MAML3: variants seen among roughly 807,000 people sequenced by gnomAD.
The protein encoded by MAML3 is mastermind-like protein 3.
In MAML3, 27 loss-of-function variants were observed where a neutral mutation model predicts 101.9. That is an observed-to-expected ratio of 0.27 (90% CI 0.20 to 0.37). The LOEUF is 0.37. Ranked by LOEUF, MAML3 falls within the 10% of genes least tolerant of loss-of-function variation. The pLI, the probability that MAML3 is intolerant of heterozygous loss-of-function variation, is 1.00. For missense variants in MAML3, 1,316 were observed against 1,444.9 expected (o/e 0.91, Z 1.45); for synonymous variants, 501 against 555.9 (o/e 0.90, Z 1.39).
chr4:139,995,053 GA>G (rs1436394936), intron 1 of MAML3, among the ~76,000 whole-genome samples: 3 of 152,084 alleles, frequency 2.0e-5, no homozygotes, highest in African/African-American at 7.2e-5. Flanking sequence ...TCGGGATGAG[GA>G]AATTTTCTGC....
intron 1 of MAML3, among the ~76,000 whole-genome samples, chr4:139,990,169 C>A (rs1037880115): frequency 1.3e-5 from 2 of 152,096 alleles, no homozygotes; most frequent in Non-Finnish European, 2.9e-5. Flanking sequence ...GAAATCTTTA[C>A]ATTTACTTGA....
At chr4:140,089,376 T>G (rs553078553) in intron 1 of MAML3, among the ~76,000 whole-genome samples, 1 of 152,336 alleles carries the variant, frequency 6.6e-6, no homozygotes, top group East Asian at 1.9e-4. Flanking sequence ...AATCCCAGCA[T>G]GATGTAACAG....
rs116289361 is a variant in MAML3 at position 140,008,879 on chromosome 4, C to T, written c.469-117912G>A. ...ATGTGGATCCATGTGTATTATTTCG[C>T]CACCACGAAAACTCTTTACCAATTA... On this transcript the variant is annotated intron_variant, in intron 1 of 4. Transcript: ENST00000509479. Among the ~76,000 whole-genome samples, 1,148 of 152,280 alleles carry T rather than the reference C, an allele frequency of 7.5e-3. 11 individuals carry two copies. Among genetic ancestry groups the T allele is most frequent in the African/African-American group, 0.026 (1,093 of 41,552 alleles).
At chr4:139,784,379 G>A (rs555923318) in intron 2 of MAML3, among the ~76,000 whole-genome samples, 178 of 152,304 alleles carry the variant, frequency 1.2e-3, no homozygotes, top group Non-Finnish European at 2.0e-3. Context: ...CGATCCTGGC[G>A]AGGCACGGGA....
At chr4:139,863,733 A>C (rs919383101) in intron 2 of MAML3, among the ~76,000 whole-genome samples, 3 of 152,076 alleles carry the variant, frequency 2.0e-5, no homozygotes, top group African/African-American at 7.2e-5. Context: ...CAGAACATAA[A>C]ATGCTCTACA....
chr4:140,087,522 G>A (rs1727973386), intron 1 of MAML3, among the ~76,000 whole-genome samples: 2 of 152,154 alleles, frequency 1.3e-5, no homozygotes, highest in African/African-American at 4.8e-5. Flanking sequence ...TTTAATTATT[G>A]TGAAATTCTT....
chr4:140,133,623 G>A (rs781624563), intron 1 of MAML3, among the ~76,000 whole-genome samples: 2 of 151,968 alleles, frequency 1.3e-5, no homozygotes, highest in African/African-American at 2.4e-5. Context: ...CCCCATAACC[G>A]TGGAAGATTA....
chr4:140,061,043 A>T (rs1286229575), intron 1 of MAML3, among the ~76,000 whole-genome samples: 2 of 152,244 alleles, frequency 1.3e-5, no homozygotes, highest in African/African-American at 4.8e-5. Context: ...GGTTTTATAC[A>T]GTCAGGAGTG....
chr4:139,916,789 G>C (rs1733037355), intron 1 of MAML3, among the ~76,000 whole-genome samples: 1 of 152,094 alleles, frequency 6.6e-6, no homozygotes. Flanking sequence ...GGTTAAATAA[G>C]GTACATAAGC....
At chr4:140,122,220 C>CTT (rs369602172) in intron 1 of MAML3, among the ~76,000 whole-genome samples, 50,748 of 124,204 alleles carry the variant, frequency 0.41, 12,285 homozygotes, top group East Asian at 0.58. Context: ...TCAAACGAGA[C>CTT]TTTTTTTTTT....
chr4:139,994,933 A>C (rs1344007565), intron 1 of MAML3, among the ~76,000 whole-genome samples: 2 of 152,136 alleles, frequency 1.3e-5, no homozygotes, highest in African/African-American at 4.8e-5. Context: ...GTTAAATGTA[A>C]GTGGCAAGAA....
At chr4:139,842,041 C>A (rs1731372505) in intron 2 of MAML3, among the ~76,000 whole-genome samples, 1 of 152,142 alleles carries the variant, frequency 6.6e-6, no homozygotes, top group Non-Finnish European at 1.5e-5. Context: ...AGAGTGGAGC[C>A]AGATGCACAC....
At chr4:139,776,786 G>T (rs1730105274) in intron 2 of MAML3, among the ~76,000 whole-genome samples, 1 of 152,224 alleles carries the variant, frequency 6.6e-6, no homozygotes, top group Admixed American at 6.5e-5. Flanking sequence ...GAAAAAGAGT[G>T]ACATGTAAAG....
At chr4:140,028,137 G>A (rs1472938987) in intron 1 of MAML3, among the ~76,000 whole-genome samples, 1 of 152,010 alleles carries the variant, frequency 6.6e-6, no homozygotes, top group Admixed American at 6.6e-5. Context: ...AATTATTCAG[G>A]GGCTCTTGTT....
intron 2 of MAML3, among the ~76,000 whole-genome samples, chr4:139,851,800 A>G (rs1731559854): frequency 6.6e-6 from 1 of 152,188 alleles, no homozygotes; most frequent in Non-Finnish European, 1.5e-5. Flanking sequence ...AATAATGGCC[A>G]CTTGTGAATG....
intron 2 of MAML3, among the ~76,000 whole-genome samples, chr4:139,885,938 A>AAAG: frequency 7.2e-6 from 1 of 138,424 alleles, no homozygotes. Context: ...GTCTCAAAAA[A>AAAG]AAAAAAAAAA....
intron 2 of MAML3, among the ~76,000 whole-genome samples, chr4:139,837,268 G>T (rs915309090): frequency 6.6e-6 from 1 of 151,196 alleles, no homozygotes; most frequent in Non-Finnish European, 1.5e-5. Context: ...AGGCCGAGAC[G>T]GGCGGATCAC....
rs775147308 is a variant in MAML3, at chr4:140,153,183, G to A, written c.145C>T (p.Pro49Ser). 40 of 1,552,708 alleles carry A rather than the reference G, an allele frequency of 2.6e-5. No homozygotes were observed. The highest frequency in any genetic ancestry group is 3.2e-5 in the Non-Finnish European group (37 of 1,147,750). Reference protein sequence around the residue: ...STPAAPSSNHPAAGGCGGSGG... With the variant: ...STPAAPSSNHSAAGGCGGSGG... ...GAGCCGCCGCATCCACCGGCTGCCG[G>A]GTGATTGCTACTCGGAGCAGCGGGA... Residue 49 changes from proline to serine, a missense_variant, in exon 1 of 5, where the codon CCG becomes TCG. Transcript: ENST00000509479.
chr4:139,943,598 A>G (rs1469559702), intron 1 of MAML3, among the ~76,000 whole-genome samples: 1 of 152,194 alleles, frequency 6.6e-6, no homozygotes, highest in East Asian at 1.9e-4. Flanking sequence ...TGCATTCATA[A>G]TCATGTTTGG....
Sources: allele counts gnomAD v4.1 joint callset (sites outside exome capture counted in the v4.1 genomes callset), GRCh38; gene constraint gnomAD v4.1.1; transcripts MANE v1.5; gene names NCBI Gene and HGNC (gene_info 2026-07-23, HGNC 2026-07-21).